The following TENM3 variants were observed in gnomAD, a reference collection of about 807,000 sequenced individuals.
TENM3 encodes teneurin transmembrane protein 3.
In TENM3, 63 loss-of-function variants were observed where a neutral mutation model predicts 255.1. The ratio of observed to expected loss-of-function variants is 0.25; its 90% confidence interval spans 0.20 to 0.30. TENM3 has a LOEUF of 0.30. Ranked by LOEUF, TENM3 falls within the 10% of genes least tolerant of loss-of-function variation. The pLI is 1.00. For synonymous variants in TENM3, 1,306 were observed against 1,322.3 expected (o/e 0.99, Z 0.27); for missense variants, 2,929 against 3,461.1 (o/e 0.85, Z 3.86).
chr4:182,100,739 A>G, the TENM3 span, among the ~76,000 whole-genome samples: 3 of 138,050 alleles, frequency 2.2e-5, no homozygotes, highest in Admixed American at 7.4e-5. Flanking sequence ...ATATACACAT[A>G]TATATACACA....
At chr4:181,693,646 A>G in the TENM3 span, among the ~76,000 whole-genome samples, 1 of 152,190 alleles carries the variant, frequency 6.6e-6, no homozygotes, top group Admixed American at 6.5e-5. Flanking sequence ...ATCCTTGAGT[A>G]GAGTTCTGCA....
rs1762564508 is a variant in TENM3, at chr4:182,754,254, A to G, written c.4018-131A>G. The G allele has an allele frequency of 1.1e-6, 1 of 907,290 alleles. No homozygotes were observed. Among genetic ancestry groups the G allele is most frequent in the Non-Finnish European group, 1.6e-6 (1 of 618,910 alleles). The allele number at this position is 907,290 out of a possible 1,614,324, so 56.2% of individuals were successfully genotyped here. On this transcript the variant is annotated intron_variant, in intron 21 of 27. Transcript: ENST00000511685. The surrounding 1 kb of genome is among the most constrained non-coding windows in gnomAD (Gnocchi z 5.1). ...CTTTTTGGTTTATTTTACTGAGGCT[A>G]TTGAAAAAACTATTATCAGACAGTT...
At chr4:182,208,425 T>C (rs531324118) in intron 1 of TENM3, among the ~76,000 whole-genome samples, 63 of 152,338 alleles carry the variant, frequency 4.1e-4, no homozygotes, top group African/African-American at 1.4e-3. Flanking sequence ...GATAGTATTT[T>C]AGGCTTTGCA....
At chr4:182,656,083 A>G (rs1459090014) in intron 6 of TENM3, among the ~76,000 whole-genome samples, 1 of 152,174 alleles carries the variant, frequency 6.6e-6, no homozygotes, top group Non-Finnish European at 1.5e-5. Flanking sequence ...ATTCAGTTTT[A>G]TACAGTTCTG....
At chr4:182,033,754 T>C in the TENM3 span, among the ~76,000 whole-genome samples, 2 of 152,196 alleles carry the variant, frequency 1.3e-5, no homozygotes, top group Non-Finnish European at 2.9e-5. Context: ...GATAATTAGC[T>C]CTTCTTGTTG....
chr4:182,076,205 T>G, the TENM3 span, among the ~76,000 whole-genome samples: 1 of 110,200 alleles, frequency 9.1e-6, no homozygotes, highest in East Asian at 2.1e-4. Flanking sequence ...TTTCTCCTTC[T>G]TCTTCTTCTT....
At chr4:182,092,327 T>TATAAATAAATAA in the TENM3 span, among the ~76,000 whole-genome samples, 7 of 151,178 alleles carry the variant, frequency 4.6e-5, no homozygotes, top group East Asian at 2.0e-4. Flanking sequence ...AAATAGCCTG[T>TATAAATAAATAA]ATAAATAAAT....
At chr4:182,499,038 G>A (rs1040257205) in intron 3 of TENM3, among the ~76,000 whole-genome samples, 2 of 152,174 alleles carry the variant, frequency 1.3e-5, no homozygotes, top group African/African-American at 4.8e-5. Flanking sequence ...GTGCTCAGTA[G>A]TATAATTCTG....
chr4:182,477,738 A>G (rs1733814515), intron 3 of TENM3, among the ~76,000 whole-genome samples: 1 of 152,234 alleles, frequency 6.6e-6, no homozygotes, highest in Non-Finnish European at 1.5e-5. Flanking sequence ...AACAAATCAC[A>G]TCTGAGATAC....
chr4:182,727,254 G>A (rs761183705), intron 13 of TENM3, among the ~76,000 whole-genome samples: 4 of 152,026 alleles, frequency 2.6e-5, no homozygotes, highest in African/African-American at 4.8e-5. Context: ...TCTGGAGTTC[G>A]AGATGAGCCT....
At chr4:182,262,106 A>G (rs917027625) in intron 1 of TENM3, among the ~76,000 whole-genome samples, 1 of 152,242 alleles carries the variant, frequency 6.6e-6, no homozygotes, top group Admixed American at 6.5e-5. Context: ...GTGTGTGAAG[A>G]TAAATAAGGA....
the TENM3 span, among the ~76,000 whole-genome samples, chr4:181,605,559 AAAGAAAGAAAGAGAGAGAAAGAAAG>A: frequency 9.8e-5 from 3 of 30,498 alleles, no homozygotes; most frequent in Non-Finnish European, 3.2e-4. Flanking sequence ...AGAAAGAAAG[AAAGAAAGAAAGAGAGAGAAAGAAAG>A]GAAAGAAAGA....
chr4:182,076,133 A>G, the TENM3 span, among the ~76,000 whole-genome samples: 1 of 151,346 alleles, frequency 6.6e-6, no homozygotes, highest in Non-Finnish European at 1.5e-5. Context: ...CTGGTCTCGA[A>G]CTCGTGGCCT....
chr4:182,076,633 T>C, the TENM3 span, among the ~76,000 whole-genome samples: 1 of 152,210 alleles, frequency 6.6e-6, no homozygotes, highest in Middle Eastern at 3.2e-3. Context: ...TTCTGACATG[T>C]CTCTTCTAAA....
Position 182,743,341 on chromosome 4 carries a change from G to A in TENM3, c.3551G>A (p.Gly1184Asp). 1 of 1,613,992 alleles carries A rather than the reference G, an allele frequency of 6.2e-7. No homozygotes were observed. Among genetic ancestry groups the A allele is most frequent in the African/African-American group, 1.3e-5 (1 of 75,036 alleles). Residue 1184 changes from glycine (G) to aspartate (D), a missense_variant, in exon 19 of 28, where the codon GGC (glycine) becomes GAC (aspartate). Gly to Asp is a moderately conservative substitution (Grantham distance 94, BLOSUM62 -1). Coordinates refer to ENST00000511685, the MANE Select transcript of TENM3 (RefSeq NM_001080477.4). ...APVALACGID[G>D]SLYVGDFNYV... ...GTGGCGCTAGCTTGTGGGATCGATG[G>A]CAGTCTGTACGTAGGCGATTTCAAC...
the TENM3 span, among the ~76,000 whole-genome samples, chr4:181,524,292 T>C: frequency 1.1e-3 from 169 of 152,318 alleles, no homozygotes; most frequent in African/African-American, 4.0e-3. Context: ...ATAAGTTGGT[T>C]GCTTATTTCC....
intron 3 of TENM3, among the ~76,000 whole-genome samples, chr4:182,371,229 TCACACACA>T (rs3221610): frequency 4.9e-5 from 7 of 144,316 alleles, no homozygotes; most frequent in African/African-American, 1.3e-4. Flanking sequence ...CTCCTCCCCA[TCACACACA>T]CACACACACA....
the TENM3 span, among the ~76,000 whole-genome samples, chr4:181,574,479 C>G: frequency 6.0e-4 from 91 of 150,818 alleles, 3 homozygotes; most frequent in East Asian, 0.016. Context: ...TGCAGTGAGC[C>G]GAGATCGTGC....
chr4:182,441,500 T>TTTATTA (rs1772485433), intron 3 of TENM3, among the ~76,000 whole-genome samples: 1 of 152,208 alleles, frequency 6.6e-6, no homozygotes, highest in Non-Finnish European at 1.5e-5. Context: ...ATTTATTTTA[T>TTTATTA]TTATTATTAT....
Sources: gnomAD v4.1 joint callset for allele counts (sites outside exome capture counted in the v4.1 genomes callset) on GRCh38, gnomAD v4.1.1 for gene constraint, Gnocchi (gnomAD v3.1) non-coding constraint, MANE v1.5 for transcripts, NCBI Gene and HGNC (gene_info 2026-07-23, HGNC 2026-07-21) for gene names.